The following GDPD5 variants were observed in gnomAD, a reference collection of about 807,000 sequenced individuals.
The protein encoded by GDPD5 is glycerophosphodiester phosphodiesterase 2.
GDPD5 carries 48 observed loss-of-function variants against 75.1 expected under a neutral mutation model. The ratio of observed to expected loss-of-function variants is 0.64; its 90% CI spans 0.51 to 0.81. The LOEUF is 0.81. GDPD5 is among the 40% of genes least tolerant of loss of function. The pLI is 0.00. For synonymous variants in GDPD5, 336 were observed against 339.0 expected (o/e 0.99, Z 0.10); for missense variants, 706 against 822.6 (o/e 0.86, Z 1.73).
At chr11:75,511,242 A>C (rs544792937) in intron 1 of GDPD5, among the ~76,000 whole-genome samples, 1 of 152,270 alleles carries the variant, frequency 6.6e-6, no homozygotes, top group East Asian at 1.9e-4. Flanking sequence ...GCTCTCTCAA[A>C]ATGCAGTCCT....
At chr11:75,510,406 T>G (rs1479201892) in intron 1 of GDPD5, among the ~76,000 whole-genome samples, 1 of 152,196 alleles carries the variant, frequency 6.6e-6, no homozygotes, top group Non-Finnish European at 1.5e-5. Context: ...CTGGGGACAC[T>G]GGGATGAATG....
At position 75,441,729 on chromosome 11, in the gene GDPD5, G is replaced by A. The variant is rs1948814856; in HGVS notation, c.1242C>T (p.Ser414=). The A allele has an allele frequency of 6.2e-7, 1 of 1,611,644 alleles. No individual in the cohort carries two copies. The highest frequency in any genetic ancestry group is 1.3e-5 in the African/African-American group (1 of 74,904). ...VAPGFQQTSG[S]KEAVASLRRG... is the part of the protein sequence containing the mutation. The stretch of plus-strand genomic sequence containing the variant: ...TCCGCAGGCTGGCGACTGCCTCCTT[G>A]GAGCCTGATGTCTGTTGGAAGCCGG... Residue 414 remains serine (S), a synonymous_variant, in exon 13 of 17, where the codon TCC becomes TCT. Coordinates refer to ENST00000336898, the MANE Select transcript of GDPD5 (RefSeq NM_030792.8).
Position 75,449,630 on chromosome 11 carries a change from A to C in GDPD5, c.475-20T>G. On this transcript the variant is annotated intron_variant, in intron 7 of 16. Transcript: ENST00000336898. ...TGTGCCCTGTTTGCAGGGAGAGGGA[A>C]GGGAGACCAGTAACGCCCAGCTCTG... 2.6e-6 allele frequency: 4 copies of C among 1,562,976 alleles called. No homozygotes were observed. The highest frequency in any genetic ancestry group is 3.5e-6 in the Non-Finnish European group (4 of 1,153,010).
chr11:75,442,219 C>A (rs1948837410), intron 12 of GDPD5, 144 bp downstream of exon 12: 1 of 646,178 alleles, frequency 1.5e-6, no homozygotes, highest in South Asian at 1.9e-5. Context: ...CATGATGACC[C>A]TGCCAGGGAA....
At chr11:75,438,292 A>C (rs541945489) in intron 15 of GDPD5, 1 of 152,492 alleles carries the variant, frequency 6.6e-6, no homozygotes, top group East Asian at 1.9e-4. Context: ...AATAAGGCCC[A>C]CAGGGAAAGA....
chr11:75,440,544 G>T (rs1948763524), intron 14 of GDPD5, among the ~76,000 whole-genome samples: 1 of 152,172 alleles, frequency 6.6e-6, no homozygotes, highest in Admixed American at 6.5e-5. Flanking sequence ...TCTCTGAGCA[G>T]ATTTTAATTG....
intron 9 of GDPD5, among the ~76,000 whole-genome samples, chr11:75,446,366 A>G (rs2135194413): frequency 6.6e-6 from 1 of 152,256 alleles, no homozygotes; most frequent in South Asian, 2.1e-4. Context: ...AGAAGCATAC[A>G]CGTTGCTGGG....
intron 9 of GDPD5, among the ~76,000 whole-genome samples, chr11:75,445,768 G>A (rs1033669776): frequency 6.6e-6 from 1 of 152,208 alleles, no homozygotes; most frequent in Non-Finnish European, 1.5e-5. Context: ...GAGTGGTGAG[G>A]GCTTTGGAAC....
At chr11:75,464,544 G>A (rs1949478674) in intron 3 of GDPD5, among the ~76,000 whole-genome samples, 1 of 152,202 alleles carries the variant, frequency 6.6e-6, no homozygotes, top group African/African-American at 2.4e-5. Flanking sequence ...GGTCACTTCA[G>A]TTGGGCGACT....
chr11:75,452,593 T>G (rs1949190146), intron 6 of GDPD5, among the ~76,000 whole-genome samples: 1 of 152,240 alleles, frequency 6.6e-6, no homozygotes, highest in Non-Finnish European at 1.5e-5. Context: ...ACGCAGTGCC[T>G]GGCACACACA....
At chr11:75,476,879 C>T (rs1332765788) in intron 3 of GDPD5, among the ~76,000 whole-genome samples, 2 of 151,428 alleles carry the variant, frequency 1.3e-5, no homozygotes, top group African/African-American at 4.8e-5. Context: ...CGCTCCCCAT[C>T]CCCCACCCCG....
In GDPD5 at chr11:75,439,917, G is replaced by A; in HGVS notation, c.1518C>T (p.Val506=). The A allele has an allele frequency of 1.2e-6, 2 of 1,614,010 alleles. No individual in the cohort carries two copies. Among genetic ancestry groups the A allele is most frequent in the Non-Finnish European group, 8.5e-7 (1 of 1,179,944 alleles). ...AGATGCCCACGATGAGGGTGAAGGA[G>A]ACCAGGTCGGCAGTGACCCACATGA... The part of the protein sequence containing the change: ...YCLMWVTADL[V]SFTLIVGIFV... Residue 506 remains valine, a synonymous_variant, in exon 15 of 17, where the codon GTC becomes GTT. Coordinates refer to ENST00000336898, the MANE Select transcript of GDPD5 (RefSeq NM_030792.8).
intron 3 of GDPD5, among the ~76,000 whole-genome samples, chr11:75,467,992 T>A (rs1949559297): frequency 6.6e-6 from 1 of 152,072 alleles, no homozygotes; most frequent in Non-Finnish European, 1.5e-5. Flanking sequence ...AAGACCTCAT[T>A]AGCAGCGGGG....
At chr11:75,515,239 C>A (rs1950612329) in intron 1 of GDPD5, among the ~76,000 whole-genome samples, 1 of 152,260 alleles carries the variant, frequency 6.6e-6, no homozygotes, top group South Asian at 2.1e-4. Flanking sequence ...TGTCCTAGAC[C>A]TGCCGGCTGT....
chr11:75,454,551 G>A (rs1450310830), intron 6 of GDPD5, among the ~76,000 whole-genome samples: 1 of 152,168 alleles, frequency 6.6e-6, no homozygotes, highest in Non-Finnish European at 1.5e-5. Flanking sequence ...ATGTCGATCC[G>A]GTCTATCAAC....
intron 4 of GDPD5, among the ~76,000 whole-genome samples, chr11:75,458,673 A>AAAATACATAAAT (rs1555003576): frequency 6.8e-6 from 1 of 147,324 alleles, no homozygotes; most frequent in Non-Finnish European, 1.5e-5. Flanking sequence ...CTCTGTCTCA[A>AAAATACATAAAT]AAATAAATAA....
At chr11:75,499,460 G>A (rs1279772814) in intron 1 of GDPD5, among the ~76,000 whole-genome samples, 1 of 150,876 alleles carries the variant, frequency 6.6e-6, no homozygotes, top group Non-Finnish European at 1.5e-5. Context: ...ATCCAAGGGG[G>A]ATGACTAAGT....
At chr11:75,484,500 T>C (rs1310199301) in intron 2 of GDPD5, among the ~76,000 whole-genome samples, 1 of 152,220 alleles carries the variant, frequency 6.6e-6, no homozygotes, top group Non-Finnish European at 1.5e-5. Flanking sequence ...ATTGTTTCTG[T>C]TGTTTGCAAT....
At chr11:75,475,441 C>A (rs1267150014) in intron 3 of GDPD5, among the ~76,000 whole-genome samples, 1 of 152,258 alleles carries the variant, frequency 6.6e-6, no homozygotes, top group Non-Finnish European at 1.5e-5. Flanking sequence ...ATTTCTGGAG[C>A]CCCTACCCTG....
Sources: allele counts gnomAD v4.1 joint callset (sites outside exome capture counted in the v4.1 genomes callset), GRCh38; gene constraint gnomAD v4.1.1; transcripts MANE v1.5; gene names NCBI Gene and HGNC (gene_info 2026-07-23, HGNC 2026-07-21).